Variants in LINGO2 observed in about 807,000 individuals in gnomAD.
The protein encoded by LINGO2 is leucine rich repeat and Ig domain containing 2, also known as leucine-rich repeat and immunoglobulin-like domain-containing nogo receptor-interacting protein 2.
Under a neutral mutation model 30.6 loss-of-function variants are expected in LINGO2, and 14 were observed. That is an observed-to-expected ratio of 0.46 (90% CI 0.30 to 0.72). LINGO2 has a LOEUF of 0.72. Among genes scored for constraint, LINGO2 ranks in the 30% least tolerant of loss-of-function variants. The probability of loss-of-function intolerance (pLI) is 0.07; values close to 1 mark genes in which losing one functional copy is unlikely to be tolerated. For synonymous variants in LINGO2, 317 were observed against 288.5 expected (o/e 1.10, Z -1.00); for missense variants, 729 against 751.7 (o/e 0.97, Z 0.35).
intron 4 of LINGO2, among the ~76,000 whole-genome samples, chr9:28,108,406 C>T (rs990626239): frequency 7.2e-5 from 11 of 152,142 alleles, no homozygotes; most frequent in African/African-American, 2.4e-4. Context: ...TGCTCTGGTA[C>T]TCTTCCATGT....
At chr9:28,350,791 C>G (rs1274275142) in intron 3 of LINGO2, among the ~76,000 whole-genome samples, 10 of 150,840 alleles carry the variant, frequency 6.6e-5, no homozygotes, top group Non-Finnish European at 1.5e-4. Context: ...GAAATTATAA[C>G]AAACTATCTC....
intron 1 of LINGO2, among the ~76,000 whole-genome samples, chr9:28,611,301 C>T (rs894532382): frequency 9.2e-5 from 14 of 152,054 alleles, no homozygotes; most frequent in Admixed American, 9.2e-4. Flanking sequence ...TGTGAAATCA[C>T]TACCATAATC....
chr9:28,865,132 C>T, the LINGO2 span, among the ~76,000 whole-genome samples: 92 of 151,990 alleles, frequency 6.1e-4, no homozygotes, highest in African/African-American at 2.0e-3. Flanking sequence ...ACATATACCA[C>T]GGCCTATCCA....
intron 4 of LINGO2, among the ~76,000 whole-genome samples, chr9:28,200,351 A>G (rs546215919): frequency 1.3e-4 from 20 of 152,300 alleles, no homozygotes; most frequent in Admixed American, 9.8e-4. Context: ...TTAGGGGAAA[A>G]AAAAGCCTCC....
At chr9:28,719,984 A>G in the LINGO2 span, among the ~76,000 whole-genome samples, 1 of 152,054 alleles carries the variant, frequency 6.6e-6, no homozygotes, top group African/African-American at 2.4e-5. Context: ...CATCATCAGA[A>G]CATATAATAT....
At chr9:28,587,617 C>T (rs935084381) in intron 1 of LINGO2, among the ~76,000 whole-genome samples, 1 of 151,792 alleles carries the variant, frequency 6.6e-6, no homozygotes, top group Non-Finnish European at 1.5e-5. Flanking sequence ...CTCCTCCTGT[C>T]ATGACTCTTC....
intron 4 of LINGO2, among the ~76,000 whole-genome samples, chr9:28,226,767 T>G (rs558463088): frequency 6.6e-6 from 1 of 152,186 alleles, no homozygotes; most frequent in South Asian, 2.1e-4. Context: ...CTTGGATCCA[T>G]CCCTTGGATG....
chr9:29,009,574 A>G, the LINGO2 span, among the ~76,000 whole-genome samples: 1 of 152,222 alleles, frequency 6.6e-6, no homozygotes, highest in African/African-American at 2.4e-5. Flanking sequence ...ATGGGTAGGA[A>G]GAATCAATAT....
chr9:29,082,943 G>A, the LINGO2 span, among the ~76,000 whole-genome samples: 1 of 152,128 alleles, frequency 6.6e-6, no homozygotes, highest in Non-Finnish European at 1.5e-5. Context: ...ACAGGTGCTG[G>A]AGAGGATGTG....
chr9:28,847,219 A>T, the LINGO2 span, among the ~76,000 whole-genome samples: 1 of 148,358 alleles, frequency 6.7e-6, no homozygotes, highest in African/African-American at 2.5e-5. Flanking sequence ...GACTCCAATC[A>T]CAGGCCTACA....
the LINGO2 span, among the ~76,000 whole-genome samples, chr9:29,119,056 T>C: frequency 6.6e-6 from 1 of 152,186 alleles, no homozygotes; most frequent in African/African-American, 2.4e-5. Flanking sequence ...CAGTCCTGGC[T>C]GAGGACCCTG....
intron 4 of LINGO2, among the ~76,000 whole-genome samples, chr9:28,252,592 C>T (rs1464525362): frequency 1.3e-5 from 2 of 151,820 alleles, no homozygotes; most frequent in African/African-American, 4.8e-5. Flanking sequence ...CATATTGTAA[C>T]ATAAAATTCA....
chr9:28,269,449 A>T (rs1822866117), intron 4 of LINGO2, among the ~76,000 whole-genome samples: 1 of 152,138 alleles, frequency 6.6e-6, no homozygotes, highest in Non-Finnish European at 1.5e-5. Context: ...TTTAATTTTC[A>T]CTTAAATGTC....
the LINGO2 span, among the ~76,000 whole-genome samples, chr9:28,943,383 G>T: frequency 2.6e-4 from 39 of 151,672 alleles, no homozygotes; most frequent in African/African-American, 9.0e-4. Context: ...AAAAAAAAAT[G>T]TGTCCTGCAA....
chr9:28,323,213 A>C (rs1413881958), intron 3 of LINGO2, among the ~76,000 whole-genome samples: 1 of 152,232 alleles, frequency 6.6e-6, no homozygotes, highest in Non-Finnish European at 1.5e-5. Context: ...TCACAGTTTA[A>C]AATCTGTGGG....
At chr9:28,749,677 T>C in the LINGO2 span, among the ~76,000 whole-genome samples, 1 of 152,024 alleles carries the variant, frequency 6.6e-6, no homozygotes, top group Non-Finnish European at 1.5e-5. Flanking sequence ...AAGTAATTTG[T>C]CCAAGGCCAT....
chr9:29,189,871 G>A, the LINGO2 span, among the ~76,000 whole-genome samples: 2 of 151,490 alleles, frequency 1.3e-5, no homozygotes, highest in African/African-American at 2.4e-5. Context: ...AACCAGTCAG[G>A]CGTGGCAGCG....
intron 4 of LINGO2, among the ~76,000 whole-genome samples, chr9:28,042,893 C>G (rs904534903): frequency 6.6e-6 from 1 of 152,176 alleles, no homozygotes; most frequent in Non-Finnish European, 1.5e-5. Context: ...GCCACTTTGT[C>G]TCACTGCAGC....
chr9:27,965,903 G>T (rs1170978504), intron 5 of LINGO2, among the ~76,000 whole-genome samples: 1 of 152,022 alleles, frequency 6.6e-6, no homozygotes, highest in Non-Finnish European at 1.5e-5. Context: ...GCAGTATAAG[G>T]TAATGGCTAA....
Sources: allele counts gnomAD v4.1 joint callset (sites outside exome capture counted in the v4.1 genomes callset), GRCh38; gene constraint gnomAD v4.1.1; transcripts MANE v1.5; gene names NCBI Gene and HGNC (gene_info 2026-07-23, HGNC 2026-07-21).